ARHGAP10: variants seen among roughly 807,000 people sequenced by gnomAD.
ARHGAP10 encodes rho GTPase-activating protein 10.
A neutral mutation model predicts 108.6 loss-of-function variants in ARHGAP10; 87 were observed. The ratio of observed to expected loss-of-function variants is 0.80; its 90% CI spans 0.67 to 0.96. ARHGAP10 has a LOEUF of 0.96. ARHGAP10 is among the 40% of genes least tolerant of loss of function. The pLI is 0.00. For missense variants in ARHGAP10, 939 were observed against 954.5 expected, an observed-to-expected ratio of 0.98 and a Z score of 0.21; for synonymous variants, 347 against 341.1, an observed-to-expected ratio of 1.02 and a Z score of -0.19.
At chr4:147,732,566 G>T (rs964706499) in intron 1 of ARHGAP10, 111 bp downstream of exon 1, 2 of 1,463,124 alleles carry the variant, frequency 1.4e-6, no homozygotes, top group Non-Finnish European at 9.3e-7. Flanking sequence ...CCAGAGGAAC[G>T]GGGAATTCAT....
chr4:147,801,260 G>T (rs1465638403), intron 1 of ARHGAP10, among the ~76,000 whole-genome samples: 2 of 152,136 alleles, frequency 1.3e-5, no homozygotes, highest in African/African-American at 4.8e-5. Context: ...CTGGTCCTGG[G>T]GCTCTATTGG....
At chr4:147,868,939 C>T (rs763489660) in intron 7 of ARHGAP10, among the ~76,000 whole-genome samples, 1 of 151,958 alleles carries the variant, frequency 6.6e-6, no homozygotes, top group Non-Finnish European at 1.5e-5. Flanking sequence ...GGTTGGGGAC[C>T]CCTGCTTGAG....
At chr4:147,786,205 A>G (rs948136948) in intron 1 of ARHGAP10, among the ~76,000 whole-genome samples, 21 of 152,172 alleles carry the variant, frequency 1.4e-4, no homozygotes, top group African/African-American at 5.1e-4. Flanking sequence ...TGGTAGCTGG[A>G]GAGCCTGGAA....
chr4:148,056,679 T>G lies in ARHGAP10; in HGVS notation c.2028-6469T>G, dbSNP rs1257490301. ...ACTTCATATGGACTTCACCAGTCTT[T>G]CCAATAATGTTCTTTCTCTGTTTCA... On this transcript the variant is annotated intron_variant, in intron 20 of 22. Coordinates refer to ENST00000336498, the MANE Select transcript of ARHGAP10 (RefSeq NM_024605.4). Among the ~76,000 whole-genome samples, 3 of 152,204 alleles carry G rather than the reference T, an allele frequency of 2.0e-5. No individual in the cohort carries two copies. In the East Asian group the frequency reaches 5.8e-4, roughly 29 times the overall value.
chr4:148,013,220 C>G (rs377340042), intron 18 of ARHGAP10, among the ~76,000 whole-genome samples: 208 of 152,088 alleles, frequency 1.4e-3, no homozygotes, highest in African/African-American at 4.6e-3. Context: ...AGCTGAAATG[C>G]AAATGGAAAA....
chr4:147,758,737 G>C (rs1013095787), intron 1 of ARHGAP10, among the ~76,000 whole-genome samples: 6 of 151,756 alleles, frequency 4.0e-5, no homozygotes. Context: ...CCAGCACTTT[G>C]GGAGGCCGAG....
At position 148,072,248 on chromosome 4, in the gene ARHGAP10, G is replaced by A; in HGVS notation, c.*167G>A. ...GGGGTGGGGGGTGGTGGGCAGGGAT[G>A]GGACGCACCACACAGAACTGTGATT... On this transcript the variant is annotated 3_prime_UTR_variant, in exon 23 of 23. Transcript: ENST00000336498. The A allele has an allele frequency of 1.7e-6, 1 of 578,028 alleles. No homozygotes were observed. The highest frequency in any genetic ancestry group is 3.0e-6 in the Non-Finnish European group (1 of 329,418). The allele number at this position is 578,028 out of a possible 1,614,324, so 35.8% of individuals were successfully genotyped here. A position where few individuals can be genotyped will look rare whatever the true frequency, so the allele number is the denominator to read the frequency against.
At chr4:147,866,538 C>T in intron 6 of ARHGAP10, 174 bp from the exon 7 acceptor site, 1 of 530,294 alleles carries the variant, frequency 1.9e-6, no homozygotes, top group Non-Finnish European at 3.4e-6. Flanking sequence ...CTATAAAGAC[C>T]AATTAATAGA....
chr4:147,875,652 A>G (rs1735027839), intron 8 of ARHGAP10, among the ~76,000 whole-genome samples: 1 of 152,094 alleles, frequency 6.6e-6, no homozygotes, highest in African/African-American at 2.4e-5. Flanking sequence ...CCTTCATACC[A>G]TTTTTGTTCC....
chr4:147,913,666 C>T (rs773893355), intron 13 of ARHGAP10, among the ~76,000 whole-genome samples: 26 of 152,132 alleles, frequency 1.7e-4, no homozygotes, highest in Non-Finnish European at 3.5e-4. Context: ...TTTAAAGCTC[C>T]CATCTCTAAA....
chr4:147,762,330 T>G (rs1729620271), intron 1 of ARHGAP10, among the ~76,000 whole-genome samples: 2 of 151,940 alleles, frequency 1.3e-5, no homozygotes, highest in Non-Finnish European at 2.9e-5. Context: ...CCTTTTGAAA[T>G]CTAGGTATGC....
In ARHGAP10 at chr4:147,821,256, A is replaced by G. The variant is rs553325322; in HGVS notation, c.155-1471A>G. 2.5e-4 allele frequency among the ~76,000 whole-genome samples: 38 copies of G among 152,244 alleles called. No homozygotes were observed. In the South Asian group the frequency reaches 3.5e-3, roughly 14 times the overall value. ...CACAGTGTCACTTTCTCTGTATTCT[A>G]TTGGCTACAAGACTAGCCCAGGTTC... On this transcript the variant is annotated intron_variant, in intron 1 of 22. Transcript: ENST00000336498.
rs548118122 is a variant in ARHGAP10, at chr4:147,936,946, A to G, written c.1229-2879A>G. ...TCCGCCTCCTGTCAGATCAGTGGCG[A>G]CATTAGATTGTTATAGGAGTGCAAA... On this transcript the variant is annotated intron_variant, in intron 13 of 22. Transcript: ENST00000336498. 3.5e-4 allele frequency among the ~76,000 whole-genome samples: 54 copies of G among 152,318 alleles called. 1 individual carries two copies. Among genetic ancestry groups the G allele is most frequent in the African/African-American group, 1.3e-3 (52 of 41,580 alleles).
intron 19 of ARHGAP10, among the ~76,000 whole-genome samples, chr4:148,035,016 T>C (rs1175350734): frequency 6.6e-6 from 1 of 152,254 alleles, no homozygotes; most frequent in Non-Finnish European, 1.5e-5. Context: ...TTACTTGCTT[T>C]ATAATTGAAT....
chr4:147,815,945 C>T (rs928952887), intron 1 of ARHGAP10, among the ~76,000 whole-genome samples: 4 of 152,156 alleles, frequency 2.6e-5, no homozygotes, highest in Non-Finnish European at 4.4e-5. Context: ...AATAAGTTAG[C>T]GTTGTTGTAA....
intron 3 of ARHGAP10, among the ~76,000 whole-genome samples, chr4:147,838,003 TC>T (rs143966872): frequency 5.2e-4 from 79 of 152,338 alleles, no homozygotes; most frequent in African/African-American, 1.7e-3. Context: ...TCTCCCTTCA[TC>T]ATTTACTTGA....
At chr4:147,926,870 T>C (rs1051433427) in intron 13 of ARHGAP10, among the ~76,000 whole-genome samples, 2 of 152,148 alleles carry the variant, frequency 1.3e-5, no homozygotes, top group African/African-American at 4.8e-5. Context: ...CCATTGGGTT[T>C]AGTGGCTGGA....
intron 20 of ARHGAP10, among the ~76,000 whole-genome samples, chr4:148,059,187 CAGTGTAGTGTGTTA>C (rs1158225736): frequency 1.3e-5 from 2 of 152,202 alleles, no homozygotes; most frequent in Non-Finnish European, 2.9e-5. Flanking sequence ...ATGCCTTTTG[CAGTGTAGTGTGTTA>C]AGTTGGGAAG....
chr4:148,049,832 T>TG (rs1330334596), intron 20 of ARHGAP10, among the ~76,000 whole-genome samples: 64 of 17,058 alleles, frequency 3.8e-3, no homozygotes, highest in African/African-American at 0.012. Context: ...TTTTTTTGGG[T>TG]GGGGGGGCGG....
Sources: allele counts gnomAD v4.1 joint callset (sites outside exome capture counted in the v4.1 genomes callset), GRCh38; gene constraint gnomAD v4.1.1; transcripts MANE v1.5; gene names NCBI Gene and HGNC (gene_info 2026-07-23, HGNC 2026-07-21).